ZNF831: variants seen among roughly 807,000 people sequenced by gnomAD.
ZNF831 encodes the protein zinc finger protein 831.
In ZNF831, 59 loss-of-function variants were observed where a neutral mutation model predicts 95.8. The ratio of observed to expected loss-of-function variants is 0.62; its 90% CI spans 0.50 to 0.77. The LOEUF (loss-of-function observed/expected upper bound fraction) is 0.77, where lower values mean the gene tolerates loss of function less well. Among genes scored for constraint, ZNF831 ranks in the 30% least tolerant of loss-of-function variants. The probability of loss-of-function intolerance (pLI) is 0.00; values close to 1 mark genes in which losing one functional copy is unlikely to be tolerated. For missense variants in ZNF831, 2,205 were observed against 2,164.0 expected (o/e 1.02, Z -0.38); for synonymous variants, 961 against 925.5 (o/e 1.04, Z -0.70).
chr20:59,213,206 G>A (rs1055380641), intron 4 of ZNF831, among the ~76,000 whole-genome samples: 1 of 152,192 alleles, frequency 6.6e-6, no homozygotes, highest in Non-Finnish European at 1.5e-5. Flanking sequence ...ATGTAAAAAT[G>A]TATGTCCTCA....
chr20:59,139,245 C>T (rs1364978751), intron 1 of ZNF831, among the ~76,000 whole-genome samples: 1 of 151,800 alleles, frequency 6.6e-6, no homozygotes, highest in Non-Finnish European at 1.5e-5. Flanking sequence ...AATAGTATTT[C>T]TATGGTGTGG....
chr20:59,194,508 C>A lies in ZNF831; in HGVS notation c.3489C>A (p.Ser1163Arg), dbSNP rs141529751. 8.5e-4 allele frequency: 1,372 copies of A among 1,609,718 alleles called. 5 individuals carry two copies. The highest frequency in any genetic ancestry group is 6.1e-3 in the African/African-American group (460 of 75,032). ...ACTCAGGGACGTCCCGGAGCCACAG[C>A]ACCCGCAGTCCCCACAGCACCCAAA... ...SSHSGTSRSH[S>R]TRSPHSTQNP... The change falls in exon 2 of 6, where the codon AGC (serine) becomes AGA (arginine). Residue 1163 changes from serine (S) to arginine (R), a missense_variant. Ser to Arg is a moderately radical substitution (Grantham distance 110). Coordinates refer to ENST00000371030, the MANE Select transcript of ZNF831 (RefSeq NM_178457.3).
intron 1 of ZNF831, among the ~76,000 whole-genome samples, chr20:59,139,218 C>T (rs260018): frequency 0.098 from 14,858 of 152,112 alleles, 1,690 homozygotes; most frequent in African/African-American, 0.28. Context: ...ACAGTGGTTC[C>T]TTCCTTTTTA....
At chr20:59,218,482 T>C (rs1449169703) in intron 4 of ZNF831, among the ~76,000 whole-genome samples, 1 of 152,148 alleles carries the variant, frequency 6.6e-6, no homozygotes, top group Non-Finnish European at 1.5e-5. Flanking sequence ...ACAGAGAGAA[T>C]TGCTTCAAGC....
chr20:59,182,389 G>A (rs1261293136), intron 1 of ZNF831, among the ~76,000 whole-genome samples: 1 of 152,094 alleles, frequency 6.6e-6, no homozygotes, highest in Non-Finnish European at 1.5e-5. Flanking sequence ...TTTAATCCTC[G>A]TTATCCACAT....
chr20:59,141,011 T>A (rs546729145), intron 1 of ZNF831, among the ~76,000 whole-genome samples: 1 of 152,344 alleles, frequency 6.6e-6, no homozygotes, highest in East Asian at 1.9e-4. Flanking sequence ...GCAATTCTTC[T>A]GCCTCAGCCT....
intron 4 of ZNF831, among the ~76,000 whole-genome samples, chr20:59,237,647 G>A (rs1451846890): frequency 1.3e-5 from 2 of 152,140 alleles, no homozygotes; most frequent in African/African-American, 2.4e-5. Flanking sequence ...GCTGAGTTTC[G>A]GGAGCTCATG....
At chr20:59,240,915 A>G (rs1417012195) in intron 4 of ZNF831, among the ~76,000 whole-genome samples, 2 of 152,260 alleles carry the variant, frequency 1.3e-5, no homozygotes, top group South Asian at 2.1e-4. Flanking sequence ...ATTTTCAGGT[A>G]AGCTTTTGGG....
At chr20:59,247,692 G>T (rs1223249124) in intron 4 of ZNF831, among the ~76,000 whole-genome samples, 26 of 152,134 alleles carry the variant, frequency 1.7e-4, no homozygotes, top group Admixed American at 1.7e-3. Context: ...GTTTATATTT[G>T]CAGCTTGCTT....
Position 59,164,062 on chromosome 20 carries a change from G to A in ZNF831, c.-182G>A, listed in dbSNP as rs1214745833. On this transcript the variant is annotated 5_prime_UTR_variant, in exon 1 of 6. Coordinates refer to ENST00000371030, the MANE Select transcript of ZNF831 (RefSeq NM_178457.3). Reference sequence around the variant, plus strand: ...GAGTAGCGAGCTCCCTACAGAGAGTGAGAGCACGGGCTCTTGAGCTCATCT... The same window carrying A: ...GAGTAGCGAGCTCCCTACAGAGAGTAAGAGCACGGGCTCTTGAGCTCATCT... Among the ~76,000 whole-genome samples, 1 of 152,170 alleles carries A rather than the reference G, an allele frequency of 6.6e-6. No homozygotes were observed. Among genetic ancestry groups the A allele is most frequent in the Non-Finnish European group, 1.5e-5 (1 of 68,030 alleles).
At chr20:59,174,329 G>A (rs1039266250) in intron 1 of ZNF831, among the ~76,000 whole-genome samples, 1 of 152,068 alleles carries the variant, frequency 6.6e-6, no homozygotes, top group African/African-American at 2.4e-5. Flanking sequence ...GGTTCAGGCT[G>A]GTTCTCTCAG....
At chr20:59,140,126 G>T (rs1979631874) in intron 1 of ZNF831, among the ~76,000 whole-genome samples, 1 of 152,138 alleles carries the variant, frequency 6.6e-6, no homozygotes, top group Non-Finnish European at 1.5e-5. Flanking sequence ...AAAAATAATG[G>T]TGCTTCTTGC....
intron 3 of ZNF831, 95 bp from the exon 4 acceptor site, chr20:59,206,810 C>T (rs1261481378): frequency 1.2e-5 from 17 of 1,402,606 alleles, no homozygotes; most frequent in South Asian, 2.7e-5. Flanking sequence ...GGTTGAGCCC[C>T]GTGTTCTCCT....
At chr20:59,142,421 C>T (rs892883890) in intron 1 of ZNF831, among the ~76,000 whole-genome samples, 3 of 152,206 alleles carry the variant, frequency 2.0e-5, no homozygotes, top group Admixed American at 2.0e-4. Flanking sequence ...CCGTGAAAGG[C>T]CTGAATCTGG....
At chr20:59,155,166 C>A (rs1980468802) in intron 2 of ZNF831, among the ~76,000 whole-genome samples, 1 of 152,078 alleles carries the variant, frequency 6.6e-6, no homozygotes. Context: ...TTACAATCTG[C>A]CTGTTTGGCT....
At chr20:59,141,197 G>A (rs1033532097) in intron 1 of ZNF831, among the ~76,000 whole-genome samples, 11 of 152,142 alleles carry the variant, frequency 7.2e-5, no homozygotes, top group African/African-American at 2.4e-4. Context: ...ATGGCACCCA[G>A]CCAGTTTTTA....
rs1208002961 is a variant in ZNF831, at chr20:59,169,033, A to G, written c.-37+4826A>G. Among the ~76,000 whole-genome samples the G allele has an allele frequency of 6.6e-6, 1 of 152,124 alleles. No individual in the cohort carries two copies. The highest frequency in any genetic ancestry group is 2.4e-5 in the African/African-American group (1 of 41,408). On this transcript the variant is annotated intron_variant, in intron 1 of 5. Coordinates refer to ENST00000371030, the MANE Select transcript of ZNF831 (RefSeq NM_178457.3). The surrounding 1 kb of genome is among the most constrained non-coding windows in gnomAD (Gnocchi z 4.1). ...TTGTCTTTTCATGCTGTCTTTGTCT[A>G]GTTTGGTCGCAGGGTAATACCTAGG...
At chr20:59,176,764 C>T (rs1351761197) in intron 1 of ZNF831, among the ~76,000 whole-genome samples, 1 of 152,086 alleles carries the variant, frequency 6.6e-6, no homozygotes, top group Admixed American at 6.5e-5. Context: ...TTCTTCCTAC[C>T]CTTTATTTGA....
chr20:59,232,559 A>G (rs567101513), intron 4 of ZNF831, among the ~76,000 whole-genome samples: 1 of 152,066 alleles, frequency 6.6e-6, no homozygotes, highest in South Asian at 2.1e-4. Flanking sequence ...AGGATCTACA[A>G]TCATATTAAA....
Sources: allele counts gnomAD v4.1 joint callset (sites outside exome capture counted in the v4.1 genomes callset), GRCh38; gene constraint gnomAD v4.1.1; non-coding constraint Gnocchi (gnomAD v3.1); transcripts MANE v1.5; gene names NCBI Gene and HGNC (gene_info 2026-07-23, HGNC 2026-07-21).